PTPRN2: variants seen among roughly 807,000 people sequenced by gnomAD.
PTPRN2 encodes receptor-type tyrosine-protein phosphatase N2.
In PTPRN2, 74 loss-of-function variants were observed where a neutral mutation model predicts 118.8. The observed-to-expected ratio is 0.62, with a 90% confidence interval of 0.52 to 0.76. The LOEUF (loss-of-function observed/expected upper bound fraction) is 0.76, where lower values mean the gene tolerates loss of function less well. Among genes scored for constraint, PTPRN2 ranks in the 30% least tolerant of loss-of-function variants. The pLI is 0.00. For synonymous variants in PTPRN2, 641 were observed against 608.0 expected, an observed-to-expected ratio of 1.05 and a Z score of -0.80; for missense variants, 1,481 against 1,394.4, an observed-to-expected ratio of 1.06 and a Z score of -0.99.
At chr7:157,825,805 C>A (rs953901510) in intron 12 of PTPRN2, among the ~76,000 whole-genome samples, 1 of 152,216 alleles carries the variant, frequency 6.6e-6, no homozygotes, top group Non-Finnish European at 1.5e-5. Context: ...CAGCTTCCAC[C>A]ACTCAGCTTC....
At chr7:158,455,928 G>T (rs1818445119) in intron 2 of PTPRN2, among the ~76,000 whole-genome samples, 1 of 147,496 alleles carries the variant, frequency 6.8e-6, no homozygotes, top group South Asian at 2.2e-4. Context: ...GACGCCATTG[G>T]CCATGGCCAC....
At chr7:157,959,753 C>G (rs1801404465) in intron 11 of PTPRN2, among the ~76,000 whole-genome samples, 1 of 152,166 alleles carries the variant, frequency 6.6e-6, no homozygotes, top group South Asian at 2.1e-4. Context: ...AATGGTTCAG[C>G]CACACTGGGA....
intron 2 of PTPRN2, among the ~76,000 whole-genome samples, chr7:158,386,226 C>G (rs1329849776): frequency 1.4e-5 from 2 of 139,382 alleles, no homozygotes; most frequent in African/African-American, 5.6e-5. Flanking sequence ...TGCTCTGAGT[C>G]CCTATTTCTG....
rs868039421 is a variant in PTPRN2, at chr7:157,747,880, G to C, written c.1789-64943C>G. Among the ~76,000 whole-genome samples the C allele has an allele frequency of 5.6e-3, 564 of 101,000 alleles. 29 individuals carry two copies. The highest frequency in any genetic ancestry group is 0.015 in the Admixed American group (124 of 8,380). The allele number at this position is 101,000 out of a possible 152,430, so 66.3% of individuals were successfully genotyped here. ...GAGGCCTGCGTCCCTGAGCTGTGGG[G>C]TGTCCGGGTGATTCTGAGGCCTGCG... On this transcript the variant is annotated intron_variant, in intron 12 of 22. Coordinates refer to ENST00000389418, the MANE Select transcript of PTPRN2 (RefSeq NM_002847.5).
chr7:158,306,376 T>C lies in PTPRN2; in HGVS notation c.277+10443A>G, dbSNP rs537637631. Among the ~76,000 whole-genome samples the C allele has an allele frequency of 1.1e-4, 16 of 152,292 alleles. No individual in the cohort carries two copies. The South Asian group carries it at 2.3e-3, about 22-fold the overall frequency. ...ACATGAGGCTCTAAGCTCTCACCAC[T>C]GGCTGATGTAGAGGCTCTGGGCCAG... On this transcript the variant is annotated intron_variant, in intron 3 of 22. Coordinates refer to ENST00000389418, the MANE Select transcript of PTPRN2 (RefSeq NM_002847.5).
chr7:158,234,645 A>T (rs2150833690), intron 3 of PTPRN2, among the ~76,000 whole-genome samples: 1 of 152,386 alleles, frequency 6.6e-6, no homozygotes, highest in African/African-American at 2.4e-5. Flanking sequence ...AAATAAAAAC[A>T]TATAGGTGGT....
intron 1 of PTPRN2, among the ~76,000 whole-genome samples, chr7:158,521,577 G>A (rs28601807): frequency 0.78 from 41,299 of 53,040 alleles, 16,285 homozygotes; most frequent in East Asian, 0.93. Flanking sequence ...CTGGCTCAGG[G>A]GGGAGGTCCA....
rs535147136 is a variant in PTPRN2, at chr7:158,570,971, G to C, written c.112+16587C>G. Reference sequence around the variant, plus strand: ...GTCCCGGATGGCAAAGCCATACGCAGGAGCCTTCCCAGCAGCCGCCGCCAT... The same window carrying C: ...GTCCCGGATGGCAAAGCCATACGCACGAGCCTTCCCAGCAGCCGCCGCCAT... On this transcript the variant is annotated intron_variant, in intron 1 of 22. Coordinates refer to ENST00000389418, the MANE Select transcript of PTPRN2 (RefSeq NM_002847.5). This position sits in a 1 kb window ranked among gnomAD's most constrained non-coding sequence, Gnocchi z 4.5. Among the ~76,000 whole-genome samples the C allele has an allele frequency of 2.6e-5, 4 of 152,372 alleles. No homozygotes were observed. The highest frequency in any genetic ancestry group is 9.6e-5 in the African/African-American group (4 of 41,590).
chr7:158,327,766 G>A (rs1364691141), intron 2 of PTPRN2, among the ~76,000 whole-genome samples: 2 of 152,160 alleles, frequency 1.3e-5, no homozygotes, highest in Non-Finnish European at 2.9e-5. Flanking sequence ...AGGCTGCCTT[G>A]CCAAAGTACC....
At chr7:157,655,573 G>A (rs1045554072) in intron 14 of PTPRN2, among the ~76,000 whole-genome samples, 6 of 152,178 alleles carry the variant, frequency 3.9e-5, no homozygotes, top group African/African-American at 1.4e-4. Context: ...TCCCTGACCC[G>A]TAAGTGCAGC....
At chr7:157,699,788 G>A (rs752638265) in intron 12 of PTPRN2, among the ~76,000 whole-genome samples, 8 of 152,294 alleles carry the variant, frequency 5.3e-5, no homozygotes, top group East Asian at 1.9e-4. Flanking sequence ...TCACTGAGAC[G>A]GAGCATTGGT....
rs1265106244 is a variant in PTPRN2 at position 158,188,233 on chromosome 7, C to T, written c.549+4094G>A. ...CGCCGCCTGATGGGGAAGGCCGCCA[C>T]GCTTGCCCCGCGATGGGGAAGGCCG... On this transcript the variant is annotated intron_variant, in intron 5 of 22. Transcript: ENST00000389418. 1.3e-3 allele frequency among the ~76,000 whole-genome samples: 94 copies of T among 74,398 alleles called. 10 individuals are homozygous for T. The highest frequency in any genetic ancestry group is 4.2e-3 in the African/African-American group (91 of 21,826). 48.8% of individuals were successfully genotyped at this position (74,398 alleles called of 152,430 possible).
At chr7:157,900,651 C>T (rs759575963) in intron 11 of PTPRN2, among the ~76,000 whole-genome samples, 34 of 152,216 alleles carry the variant, frequency 2.2e-4, no homozygotes, top group Non-Finnish European at 2.5e-4. Flanking sequence ...GCTCTGAGCT[C>T]CTCAGTCTGA....
At chr7:158,312,510 ACACACACGCACAGACACCTG>A (rs1196732421) in intron 3 of PTPRN2, among the ~76,000 whole-genome samples, 1 of 139,566 alleles carries the variant, frequency 7.2e-6, no homozygotes, top group Non-Finnish European at 1.6e-5. Flanking sequence ...GTAGACACCC[ACACACACGCACAGACACCTG>A]CACACACATG....
chr7:158,113,606 G>A (rs1816468190), intron 9 of PTPRN2, among the ~76,000 whole-genome samples: 1 of 152,150 alleles, frequency 6.6e-6, no homozygotes, highest in African/African-American at 2.4e-5. Context: ...TCAGACTCAT[G>A]AGCAGGCGCA....
At chr7:158,578,598 G>T (rs887329499) in intron 1 of PTPRN2, among the ~76,000 whole-genome samples, 1 of 151,364 alleles carries the variant, frequency 6.6e-6, no homozygotes. Flanking sequence ...TTACGTGGGT[G>T]TATTGAGTGA....
intron 3 of PTPRN2, among the ~76,000 whole-genome samples, chr7:158,267,491 A>G (rs1797963349): frequency 6.6e-6 from 1 of 152,108 alleles, no homozygotes; most frequent in South Asian, 2.1e-4. Flanking sequence ...TGTCAAAGCG[A>G]TAGGAATTCA....
intron 12 of PTPRN2, among the ~76,000 whole-genome samples, chr7:157,768,235 C>A (rs1049200987): frequency 6.6e-6 from 1 of 152,236 alleles, no homozygotes; most frequent in Non-Finnish European, 1.5e-5. Context: ...ATCCAGAGCA[C>A]AGGAGATGCA....
At chr7:158,136,294 C>A (rs1818803140) in intron 8 of PTPRN2, among the ~76,000 whole-genome samples, 1 of 152,186 alleles carries the variant, frequency 6.6e-6, no homozygotes, top group South Asian at 2.1e-4. Flanking sequence ...GAGCTGAACC[C>A]CTCAGGAATC....
Sources: gnomAD v4.1 joint callset for allele counts (sites outside exome capture counted in the v4.1 genomes callset) on GRCh38, gnomAD v4.1.1 for gene constraint, Gnocchi (gnomAD v3.1) non-coding constraint, MANE v1.5 for transcripts, NCBI Gene and HGNC (gene_info 2026-07-23, HGNC 2026-07-21) for gene names.